The following MAST2 variants were observed in gnomAD, a reference collection of about 807,000 sequenced individuals.
MAST2 encodes the protein microtubule-associated serine/threonine-protein kinase 2.
MAST2 carries 70 observed loss-of-function variants against 147.4 expected under a neutral mutation model. The observed-to-expected ratio is 0.47, with a 90% confidence interval of 0.39 to 0.58. The LOEUF (loss-of-function observed/expected upper bound fraction) is 0.58, where lower values mean the gene tolerates loss of function less well. MAST2 is among the 20% of genes least tolerant of loss of function. MAST2 has a pLI of 0.00. For missense variants in MAST2, 2,080 were observed against 2,302.3 expected (o/e 0.90, Z 1.98); for synonymous variants, 869 against 896.8 (o/e 0.97, Z 0.55).
At chr1:45,885,381 GTTAA>G (rs1647036991) in intron 4 of MAST2, among the ~76,000 whole-genome samples, 1 of 152,072 alleles carries the variant, frequency 6.6e-6, no homozygotes, top group African/African-American at 2.4e-5. Context: ...GAGCGTTTTT[GTTAA>G]TTAATTTTTG....
At position 46,019,607 on chromosome 1, in the gene MAST2, C is replaced by T; in HGVS notation, c.1200C>T (p.Arg400=). The change falls in exon 11 of 29, where the codon CGC becomes CGT. Residue 400 remains arginine (R), a synonymous_variant. Coordinates refer to ENST00000361297, the MANE Select transcript of MAST2 (RefSeq NM_015112.3). ...TCTTTTCTCTATAGGCTCATGAGCG[C>T]TCAGAGAGCTCAGAAGTGGCTTTTG... is the stretch of plus-strand genomic sequence containing the variant. ...LEKLLQDAHE[R]SESSEVAFVM... 1 of 1,614,024 alleles carries T rather than the reference C, an allele frequency of 6.2e-7. No homozygotes were observed. The highest frequency in any genetic ancestry group is 1.1e-5 in the South Asian group (1 of 91,076).
At chr1:45,940,666 C>T (rs1657116657) in intron 4 of MAST2, among the ~76,000 whole-genome samples, 1 of 149,862 alleles carries the variant, frequency 6.7e-6, no homozygotes, top group South Asian at 2.1e-4. Flanking sequence ...GTCGCCCAGG[C>T]TGGAGTGCAG....
intron 4 of MAST2, among the ~76,000 whole-genome samples, chr1:45,906,915 C>T (rs1285267936): frequency 6.6e-6 from 1 of 151,952 alleles, no homozygotes; most frequent in Non-Finnish European, 1.5e-5. Context: ...TTTTACTGTA[C>T]CTTTTTTATG....
intron 4 of MAST2, chr1:45,917,641 T>G: frequency 1.3e-6 from 1 of 793,120 alleles, no homozygotes; most frequent in South Asian, 1.6e-5. Context: ...AGAGTCTTGG[T>G]TCTGTCACAG....
chr1:45,882,203 A>T (rs56242896), intron 3 of MAST2, among the ~76,000 whole-genome samples, 161 bp from the exon 4 acceptor site: 65,726 of 146,018 alleles, frequency 0.45, 15,506 homozygotes, highest in East Asian at 0.66. Flanking sequence ...AAAAAAAAAA[A>T]AAATAAATAA....
intron 4 of MAST2, among the ~76,000 whole-genome samples, chr1:45,950,770 C>G (rs1259106584): frequency 6.6e-6 from 1 of 152,160 alleles, no homozygotes; most frequent in Non-Finnish European, 1.5e-5. Flanking sequence ...ATAAAAGAAA[C>G]AGTTTGGAAC....
chr1:46,010,851 G>A lies in MAST2; in HGVS notation c.1100G>A (p.Arg367Gln), dbSNP rs200211912. 13 of 1,614,218 alleles carry A rather than the reference G, an allele frequency of 8.1e-6. No homozygotes were observed. In the Admixed American group the frequency reaches 8.3e-5, roughly 10 times the overall value. ...CATCATCAGGTGATTGAGATGGCCC[G>A]AGACTGCCTGGATAAATCTCGGAGT... ...FIHHQVIEMA[R>Q]DCLDKSRSGL... The change falls in exon 10 of 29, where the codon CGA becomes CAA. Residue 367 changes from arginine (R) to glutamine (Q), a missense_variant. Arg to Gln is a conservative substitution (Grantham distance 43). Around this residue, in one of 4 missense-constraint regions of MAST2, gnomAD observed 569 missense variants for 642.5 expected, o/e 0.89. Transcript: ENST00000361297.
At chr1:45,988,832 G>C (rs1644750970) in intron 5 of MAST2, among the ~76,000 whole-genome samples, 1 of 148,710 alleles carries the variant, frequency 6.7e-6, no homozygotes, top group Non-Finnish European at 1.5e-5. Flanking sequence ...TGTTTGGTTG[G>C]TTTTGGTTTT....
rs1646283098 is a variant in MAST2, at chr1:46,023,650, G to A, written c.1572-122G>A. The A allele has an allele frequency of 5.9e-6, 5 of 850,216 alleles. No homozygotes were observed. In the East Asian group the frequency reaches 1.3e-4, roughly 23 times the overall value. The allele number at this position is 850,216 out of a possible 1,614,324, so 52.7% of individuals were successfully genotyped here. On this transcript the variant is annotated intron_variant, in intron 14 of 28. Transcript: ENST00000361297. The surrounding 1 kb of genome is among the most constrained non-coding windows in gnomAD (Gnocchi z 4.9). ...GGTCCCAGACCCTTCTCACTGATATGCATGCCCTTGCCCCCTTGTTCTGTG... is the reference window on the plus strand; with the variant it reads ...GGTCCCAGACCCTTCTCACTGATATACATGCCCTTGCCCCCTTGTTCTGTG...
In MAST2 at chr1:45,951,722, G is replaced by A. The variant is rs1296130680; in HGVS notation, c.501-7664G>A. On this transcript the variant is annotated intron_variant, in intron 4 of 28. Coordinates refer to ENST00000361297, the MANE Select transcript of MAST2 (RefSeq NM_015112.3). ...TGTTGAAATTGAAAATGCAACAGTC[G>A]TGTTAAATAATAGAGCTGTGGACAA... Among the ~76,000 whole-genome samples the A allele has an allele frequency of 3.9e-5, 6 of 152,222 alleles. 1 individual carries two copies. Among genetic ancestry groups the A allele is most frequent in the Admixed American group, 2.6e-4 (4 of 15,282 alleles).
intron 4 of MAST2, among the ~76,000 whole-genome samples, chr1:45,942,716 C>G (rs2148811590): frequency 6.6e-6 from 1 of 152,280 alleles, no homozygotes; most frequent in African/African-American, 2.4e-5. Context: ...TTTAGTAACA[C>G]TTGTCATGTA....
chr1:45,911,850 G>GTT (rs1337381758), intron 4 of MAST2, among the ~76,000 whole-genome samples: 5 of 133,250 alleles, frequency 3.8e-5, no homozygotes, highest in African/African-American at 1.5e-4. Flanking sequence ...TATTATTATT[G>GTT]TTATATTATT....
intron 4 of MAST2, among the ~76,000 whole-genome samples, chr1:45,925,811 G>C (rs1654271341): frequency 1.3e-5 from 2 of 152,310 alleles, no homozygotes; most frequent in South Asian, 4.1e-4. Flanking sequence ...GCCTTTGCTT[G>C]AACATCTTCA....
intron 3 of MAST2, among the ~76,000 whole-genome samples, chr1:45,862,114 A>C (rs1645999496): frequency 6.6e-6 from 1 of 152,248 alleles, no homozygotes; most frequent in Non-Finnish European, 1.5e-5. Flanking sequence ...AGAAGAATGC[A>C]AAATTTGCAT....
intron 2 of MAST2, among the ~76,000 whole-genome samples, chr1:45,829,030 G>A (rs571156253): frequency 1.5e-4 from 23 of 152,184 alleles, no homozygotes; most frequent in African/African-American, 5.5e-4. Flanking sequence ...AACCTGAACT[G>A]AGCACATGGA....
At chr1:45,951,791 TA>T (rs1174714180) in intron 4 of MAST2, among the ~76,000 whole-genome samples, 1 of 152,100 alleles carries the variant, frequency 6.6e-6, no homozygotes, top group Admixed American at 6.5e-5. Flanking sequence ...TGGGAAGATA[TA>T]AACTATGAAT....
intron 1 of MAST2, among the ~76,000 whole-genome samples, chr1:45,810,041 TG>T (rs1644246076): frequency 1.3e-5 from 2 of 152,226 alleles, no homozygotes; most frequent in African/African-American, 4.8e-5. Flanking sequence ...TTAAGTTGCA[TG>T]TTATTGAAGG....
chr1:46,010,054 T>TC (rs527622970), intron 9 of MAST2, among the ~76,000 whole-genome samples: 156 of 152,086 alleles, frequency 1.0e-3, no homozygotes, highest in Middle Eastern at 3.4e-3. Context: ...CTATCCACAG[T>TC]CCCCCCATTC....
chr1:45,888,681 TTTTTTTTTTTTTTTTTTTG>T (rs1647211211), intron 4 of MAST2, among the ~76,000 whole-genome samples: 2 of 46,244 alleles, frequency 4.3e-5, no homozygotes, highest in Non-Finnish European at 4.1e-5. Context: ...TTTTTTTTTT[TTTTTTTTTTTTTTTTTTTG>T]AGATGGAGTC....
Sources: allele counts gnomAD v4.1 joint callset (sites outside exome capture counted in the v4.1 genomes callset), GRCh38; gene constraint gnomAD v4.1.1; regional missense constraint gnomAD v4.1.1; non-coding constraint Gnocchi (gnomAD v3.1); transcripts MANE v1.5; gene names NCBI Gene and HGNC (gene_info 2026-07-23, HGNC 2026-07-21).